Variants in RNF144B observed in about 807,000 individuals in gnomAD.
RNF144B encodes ring finger protein 144B, also known as E3 ubiquitin-protein ligase RNF144B.
RNF144B carries 25 observed loss-of-function variants against 40.2 expected under a neutral mutation model. The ratio of observed to expected loss-of-function variants is 0.62; its 90% CI spans 0.45 to 0.87. The LOEUF (loss-of-function observed/expected upper bound fraction) is 0.87, where lower values mean the gene tolerates loss of function less well. Among genes scored for constraint, RNF144B ranks in the 40% least tolerant of loss-of-function variants. The probability of loss-of-function intolerance (pLI) is 0.00; values close to 1 mark genes in which losing one functional copy is unlikely to be tolerated. For missense variants in RNF144B, 365 were observed against 373.7 expected (o/e 0.98, Z 0.19); for synonymous variants, 145 against 136.3 (o/e 1.06, Z -0.44).
In RNF144B at chr6:18,459,997, C is replaced by T. The variant is rs574215529; in HGVS notation, c.681+246C>T. Among the ~76,000 whole-genome samples, 1 of 152,296 alleles carries T rather than the reference C, an allele frequency of 6.6e-6. No individual in the cohort carries two copies. Among genetic ancestry groups the T allele is most frequent in the East Asian group, 1.9e-4 (1 of 5,178 alleles). On this transcript the variant is annotated intron_variant, in intron 6 of 7. Transcript: ENST00000259939. The surrounding 1 kb of genome is among the most constrained non-coding windows in gnomAD (Gnocchi z 4.2). ...TTTTCAGGGCATTTCTTGCTATTTG[C>T]ACATTGTCTCTATTATGTAAAGGAC... is the stretch of plus-strand genomic sequence containing the variant.
At chr6:18,415,228 C>T (rs544635552) in intron 2 of RNF144B, among the ~76,000 whole-genome samples, 1 of 152,280 alleles carries the variant, frequency 6.6e-6, no homozygotes, top group Admixed American at 6.5e-5. Context: ...TACCAACTAT[C>T]TCTTAGATTG....
intron 2 of RNF144B, among the ~76,000 whole-genome samples, chr6:18,426,590 C>G (rs1159272585): frequency 6.6e-6 from 1 of 152,148 alleles, no homozygotes; most frequent in Non-Finnish European, 1.5e-5. Context: ...CAACTTTGTT[C>G]CTGGTGTTCT....
rs12189865 is a variant in RNF144B at position 18,456,890 on chromosome 6, T to C, written c.332-265T>C. 0.13 allele frequency among the ~76,000 whole-genome samples: 19,015 copies of C among 152,032 alleles called. 1,360 individuals are homozygous for C. The highest frequency in any genetic ancestry group is 0.19 in the Admixed American group (2,962 of 15,262). On this transcript the variant is annotated intron_variant, in intron 4 of 7. Coordinates refer to ENST00000259939, the MANE Select transcript of RNF144B (RefSeq NM_182757.4). The surrounding 1 kb of genome is among the most constrained non-coding windows in gnomAD (Gnocchi z 4.7). ...TCAGCCTGGCCAACAAGGTGAAACC[T>C]GTCTCTACTAAAAATACAAAAATGA...
rs1290281896 is a variant in RNF144B at position 18,457,040 on chromosome 6, G to A, written c.332-115G>A. ...CATGCCACTGTACTCCAGCCTGGGC[G>A]ACAGAGTGAGACTCTGGTTCCAAAT... is the stretch of plus-strand genomic sequence containing the variant. On this transcript the variant is annotated intron_variant, in intron 4 of 7. Coordinates refer to ENST00000259939, the MANE Select transcript of RNF144B (RefSeq NM_182757.4). The surrounding 1 kb of genome is among the most constrained non-coding windows in gnomAD (Gnocchi z 5.1). The A allele has an allele frequency of 1.0e-5, 9 of 883,106 alleles. No homozygotes were observed. Among genetic ancestry groups the A allele is most frequent in the South Asian group, 1.4e-5 (1 of 69,680 alleles). The allele number at this position is 883,106 out of a possible 1,614,324, so 54.7% of individuals were successfully genotyped here.
At chr6:18,413,156 C>T (rs1359409856) in intron 2 of RNF144B, among the ~76,000 whole-genome samples, 1 of 152,120 alleles carries the variant, frequency 6.6e-6, no homozygotes, top group Admixed American at 6.5e-5. Context: ...TAAAAACAAG[C>T]TCTGTGAAAA....
In RNF144B at chr6:18,400,568, C is replaced by T. The variant is rs1174343766; in HGVS notation, c.165+869C>T. On this transcript the variant is annotated intron_variant, in intron 2 of 7. Transcript: ENST00000259939. This position sits in a 1 kb window ranked among gnomAD's most constrained non-coding sequence, Gnocchi z 5.6. The stretch of plus-strand genomic sequence containing the variant: ...TGACACCTGGTATCAACACCTGTGA[C>T]CTTTACTGCCACTTTTCCTTGAAGG... 6.6e-6 allele frequency among the ~76,000 whole-genome samples: 1 copy of T among 152,126 alleles called. No homozygotes were observed. Among genetic ancestry groups the T allele is most frequent in the Non-Finnish European group, 1.5e-5 (1 of 68,030 alleles).
In RNF144B at chr6:18,468,276, T is replaced by G. The variant is rs1416295278; in HGVS notation, c.*3209T>G. ...TGCCATTGTCCCATCTAGGAAATTT[T>G]TTCTTGTTGTGAGGTAGGGAAGTGA... On this transcript the variant is annotated 3_prime_UTR_variant, in exon 8 of 8. Coordinates refer to ENST00000259939, the MANE Select transcript of RNF144B (RefSeq NM_182757.4). 3 of 152,186 alleles carry G rather than the reference T, an allele frequency of 2.0e-5. No individual in the cohort carries two copies. Among genetic ancestry groups the G allele is most frequent in the Non-Finnish European group, 4.4e-5 (3 of 68,040 alleles). 9.4% of individuals were successfully genotyped at this position (152,186 alleles called of 1,614,324 possible). A position where few individuals can be genotyped will look rare whatever the true frequency, so the allele number is the denominator to read the frequency against.
At position 18,466,570 on chromosome 6, in the gene RNF144B, G is replaced by C. The variant is rs184183972; in HGVS notation, c.*1503G>C. On this transcript the variant is annotated 3_prime_UTR_variant, in exon 8 of 8. Coordinates refer to ENST00000259939, the MANE Select transcript of RNF144B (RefSeq NM_182757.4). ...TCTCCAATGACAGGATTATATAATT[G>C]CTATTGGCAATGTAGCCTGGTGCTT... is the stretch of plus-strand genomic sequence containing the variant. The C allele has an allele frequency of 9.2e-5, 14 of 152,670 alleles. No homozygotes were observed. Among genetic ancestry groups the C allele is most frequent in the Admixed American group, 5.9e-4 (9 of 15,290 alleles). 9.5% of individuals were successfully genotyped at this position (152,670 alleles called of 1,614,324 possible). A position where few individuals can be genotyped will look rare whatever the true frequency, so the allele number is the denominator to read the frequency against.
intron 2 of RNF144B, among the ~76,000 whole-genome samples, chr6:18,409,242 G>A (rs910085328): frequency 1.6e-4 from 25 of 151,678 alleles, no homozygotes; most frequent in African/African-American, 6.1e-4. Context: ...GCCAGGCACA[G>A]TGGCGCACAC....
intron 1 of RNF144B, among the ~76,000 whole-genome samples, chr6:18,394,091 G>A (rs1045221447): frequency 6.6e-6 from 1 of 152,088 alleles, no homozygotes; most frequent in African/African-American, 2.4e-5. Context: ...ATTTCTCTTA[G>A]TCTCCTTAGT....
intron 1 of RNF144B, 113 bp downstream of exon 1, chr6:18,387,743 C>A: frequency 1.2e-6 from 1 of 839,970 alleles, no homozygotes; most frequent in Non-Finnish European, 1.6e-6. Flanking sequence ...TTTCGATTTT[C>A]TGTCTCTAGT....
chr6:18,409,561 CTT>C (rs70974741), intron 2 of RNF144B, among the ~76,000 whole-genome samples: 8 of 93,262 alleles, frequency 8.6e-5, no homozygotes, highest in Admixed American at 1.4e-4. Flanking sequence ...CTTGCATAAC[CTT>C]TTTTTTTTTT....
At chr6:18,411,758 T>C (rs1352051255) in intron 2 of RNF144B, among the ~76,000 whole-genome samples, 4 of 152,034 alleles carry the variant, frequency 2.6e-5, no homozygotes, top group Admixed American at 2.0e-4. Context: ...CCTCCCAAAG[T>C]GCTGGGATTA....
At chr6:18,407,984 C>CT (rs370801682) in intron 2 of RNF144B, among the ~76,000 whole-genome samples, 2,115 of 133,566 alleles carry the variant, frequency 0.016, 67 homozygotes, top group African/African-American at 0.054. Context: ...CTTTCTTTTT[C>CT]TTTTTTTTTT....
intron 2 of RNF144B, among the ~76,000 whole-genome samples, chr6:18,411,150 A>G (rs113490735): frequency 0.02 from 2,994 of 151,742 alleles, 102 homozygotes; most frequent in African/African-American, 0.069. Flanking sequence ...ACTCCCAGGG[A>G]ATTTTTGTAT....
At chr6:18,437,707 A>G (rs1241061006) in intron 3 of RNF144B, among the ~76,000 whole-genome samples, 1 of 152,240 alleles carries the variant, frequency 6.6e-6, no homozygotes, top group Admixed American at 6.5e-5. Context: ...TGGCAGTAGT[A>G]TGTACTCCAA....
chr6:18,419,164 G>A lies in RNF144B; in HGVS notation c.166-8417G>A, dbSNP rs920301793. On this transcript the variant is annotated intron_variant, in intron 2 of 7. Transcript: ENST00000259939. The surrounding 1 kb of genome is among the most constrained non-coding windows in gnomAD (Gnocchi z 4.6). ...GTAAGGTAGTTGAATAGTAAGGCAG[G>A]CGAATGTTATCTCTGAAGTTCCTTA... Among the ~76,000 whole-genome samples the A allele has an allele frequency of 5.3e-5, 8 of 152,130 alleles. No homozygotes were observed. Among genetic ancestry groups the A allele is most frequent in the Non-Finnish European group, 7.4e-5 (5 of 68,024 alleles).
At chr6:18,397,517 T>C (rs1231001897) in intron 1 of RNF144B, among the ~76,000 whole-genome samples, 1 of 152,220 alleles carries the variant, frequency 6.6e-6, no homozygotes, top group East Asian at 1.9e-4. Flanking sequence ...GAGAAATTAT[T>C]TTCACAATTA....
At position 18,443,587 on chromosome 6, in the gene RNF144B, G is replaced by T. The variant is rs1759013901; in HGVS notation, c.331+3843G>T. Among the ~76,000 whole-genome samples, 1 of 151,782 alleles carries T rather than the reference G, an allele frequency of 6.6e-6. No individual in the cohort carries two copies. Among genetic ancestry groups the T allele is most frequent in the Non-Finnish European group, 1.5e-5 (1 of 67,932 alleles). On this transcript the variant is annotated intron_variant, in intron 4 of 7. Coordinates refer to ENST00000259939, the MANE Select transcript of RNF144B (RefSeq NM_182757.4). The surrounding 1 kb of genome is among the most constrained non-coding windows in gnomAD (Gnocchi z 4.7). The stretch of plus-strand genomic sequence containing the variant: ...CTTAGGTGATTTTGGAAGGCAATTT[G>T]TAATCGTGTAATTCTTCATTACCAT...
Sources: allele counts gnomAD v4.1 joint callset (sites outside exome capture counted in the v4.1 genomes callset), GRCh38; gene constraint gnomAD v4.1.1; non-coding constraint Gnocchi (gnomAD v3.1); transcripts MANE v1.5; gene names NCBI Gene and HGNC (gene_info 2026-07-23, HGNC 2026-07-21).